VPS41: variants seen among roughly 807,000 people sequenced by gnomAD.
The protein encoded by VPS41 is vacuolar protein sorting-associated protein 41 homolog.
A neutral mutation model predicts 130.9 loss-of-function variants in VPS41; 85 were observed. The ratio of observed to expected loss-of-function variants is 0.65; its 90% CI spans 0.55 to 0.78. VPS41 has a LOEUF of 0.78. VPS41 is among the 30% of genes least tolerant of loss of function. The pLI, the probability that VPS41 is intolerant of heterozygous loss-of-function variation, is 0.00. For missense variants in VPS41, 874 were observed against 1,018.7 expected (o/e 0.86, Z 1.93); for synonymous variants, 335 against 332.9 (o/e 1.01, Z -0.07).
chr7:38,749,102 T>C (rs956421944), intron 22 of VPS41, among the ~76,000 whole-genome samples: 5 of 152,150 alleles, frequency 3.3e-5, no homozygotes, highest in African/African-American at 1.2e-4. Flanking sequence ...TTCATAAAAG[T>C]TTATGATTAA....
Position 38,763,441 on chromosome 7 carries a change from T to C in VPS41, c.1422+14A>G. The C allele has an allele frequency of 6.4e-7, 1 of 1,559,346 alleles. No homozygotes were observed. The highest frequency in any genetic ancestry group is 8.7e-7 in the Non-Finnish European group (1 of 1,147,116). On this transcript the variant is annotated intron_variant, in intron 17 of 28. Transcript: ENST00000310301. ...TCGAGAACAAGTAAATATGACCACA[T>C]CAGAACACCATACCTCATAATCACT...
rs762397567 is a variant in VPS41, at chr7:38,758,196, G to A, written c.1550+158C>T. Among the ~76,000 whole-genome samples the A allele has an allele frequency of 3.3e-5, 5 of 152,110 alleles. No homozygotes were observed. In the East Asian group the frequency reaches 5.8e-4, roughly 18 times the overall value. Reference sequence around the variant, plus strand: ...GTACAGTTTCACACATGTCCTTATCGCCTACTCATTTGAGGTTTATGAGAG... The same window carrying A: ...GTACAGTTTCACACATGTCCTTATCACCTACTCATTTGAGGTTTATGAGAG... On this transcript the variant is annotated intron_variant, in intron 18 of 28. Transcript: ENST00000310301.
chr7:38,755,442 T>G (rs1026350657), intron 19 of VPS41, among the ~76,000 whole-genome samples: 1 of 152,224 alleles, frequency 6.6e-6, no homozygotes, highest in South Asian at 2.1e-4. Flanking sequence ...AGTTTCATAA[T>G]GACATAAAGC....
Position 38,763,557 on chromosome 7 carries a change from GA to G in VPS41, c.1330-11del. On this transcript the variant is annotated splice_polypyrimidine_tract_variant and intron_variant, in intron 16 of 28. Transcript: ENST00000310301. ...AATAAGGACTAATAGCCTAGGTAAG[GA>G]AAAGGGAAAAAAAAGTCCATTAAAA... 1.3e-6 allele frequency: 2 copies of G among 1,547,594 alleles called. No individual in the cohort carries two copies. Among genetic ancestry groups the G allele is most frequent in the South Asian group, 2.4e-5 (2 of 81,866 alleles).
chr7:38,819,202 T>A (rs1352518625), intron 6 of VPS41, among the ~76,000 whole-genome samples: 3 of 152,220 alleles, frequency 2.0e-5, no homozygotes, highest in Non-Finnish European at 2.9e-5. Flanking sequence ...GTGCTCCTCC[T>A]TCACTGTCTA....
intron 4 of VPS41, among the ~76,000 whole-genome samples, chr7:38,848,460 A>T (rs1326315437): frequency 6.6e-6 from 1 of 152,180 alleles, no homozygotes; most frequent in Non-Finnish European, 1.5e-5. Flanking sequence ...ATACAATTGA[A>T]CATTATTAAA....
intron 1 of VPS41, among the ~76,000 whole-genome samples, chr7:38,899,049 T>C (rs1276916732): frequency 6.6e-6 from 1 of 152,206 alleles, no homozygotes; most frequent in African/African-American, 2.4e-5. Flanking sequence ...TATTACTCAA[T>C]ACAAGTTGGA....
intron 17 of VPS41, among the ~76,000 whole-genome samples, chr7:38,762,364 C>A (rs1030299682): frequency 3.3e-5 from 5 of 152,172 alleles, no homozygotes; most frequent in Admixed American, 2.0e-4. Flanking sequence ...TGAAATGCCA[C>A]AGAAATCATC....
chr7:38,780,180 GGTTTTT>G (rs1256431104), intron 10 of VPS41, among the ~76,000 whole-genome samples: 1 of 126,698 alleles, frequency 7.9e-6, no homozygotes, highest in African/African-American at 3.0e-5. Flanking sequence ...TTTTTTTTTT[GGTTTTT>G]GTTTTTTTTT....
chr7:38,883,667 A>G (rs1412059676), intron 2 of VPS41, among the ~76,000 whole-genome samples: 1 of 19,534 alleles, frequency 5.1e-5, no homozygotes, highest in Non-Finnish European at 7.9e-5. Flanking sequence ...GAATAAAATG[A>G]TCAACCAATC....
At chr7:38,768,953 T>C (rs1784103371) in intron 14 of VPS41, among the ~76,000 whole-genome samples, 1 of 151,300 alleles carries the variant, frequency 6.6e-6, no homozygotes, top group Non-Finnish European at 1.5e-5. Context: ...AGCTACAGCC[T>C]TCACTCTCTT....
At position 38,796,765 on chromosome 7, in the gene VPS41, T is replaced by C; in HGVS notation, c.550A>G (p.Ile184Val). ...TTTACCATATTATTGGCCCAAGCAA[T>C]CAGATGGCCTCTCCACTTCACACTC... ...IRSVKWRGHL[I>V]AWANNMGVKI... Residue 184 changes from isoleucine to valine, a missense_variant, in exon 8 of 29, where the codon ATT becomes GTT. Physicochemically the swap from Ile to Val is conservative, Grantham distance 29. Transcript: ENST00000310301. 6.2e-7 allele frequency: 1 copy of C among 1,613,794 alleles called. No individual in the cohort carries two copies. Among genetic ancestry groups the C allele is most frequent in the Non-Finnish European group, 8.5e-7 (1 of 1,179,792 alleles).
At chr7:38,767,678 T>A in intron 14 of VPS41, 80 bp from the exon 15 acceptor site, 1 of 1,000,880 alleles carries the variant, frequency 1.0e-6, no homozygotes, top group East Asian at 2.5e-5. Context: ...GCACAGGGCA[T>A]AACATTAGGG....
At chr7:38,765,350 T>G (rs372848400) in intron 16 of VPS41, among the ~76,000 whole-genome samples, 6 of 152,020 alleles carry the variant, frequency 3.9e-5, no homozygotes, top group Non-Finnish European at 5.9e-5. Context: ...ACAGAGAGAA[T>G]TGGAAAGAGA....
chr7:38,859,381 A>C (rs1786053404), intron 4 of VPS41, among the ~76,000 whole-genome samples: 2 of 152,126 alleles, frequency 1.3e-5, no homozygotes, highest in Non-Finnish European at 2.9e-5. Flanking sequence ...CTAAGCCTTC[A>C]CATTCACTCA....
intron 4 of VPS41, among the ~76,000 whole-genome samples, chr7:38,857,349 G>A (rs913042455): frequency 6.6e-6 from 1 of 151,918 alleles, no homozygotes; most frequent in South Asian, 2.1e-4. Context: ...GTGCCTTACA[G>A]CAAAACCTCA....
At chr7:38,871,864 T>C (rs567918921) in intron 2 of VPS41, among the ~76,000 whole-genome samples, 3 of 152,362 alleles carry the variant, frequency 2.0e-5, no homozygotes, top group South Asian at 4.1e-4. Context: ...ACTCATTATG[T>C]TGCCCAGGCT....
chr7:38,857,986 G>A (rs1055144902), intron 4 of VPS41, among the ~76,000 whole-genome samples: 1 of 152,178 alleles, frequency 6.6e-6, no homozygotes, highest in African/African-American at 2.4e-5. Context: ...GTTATCAGCA[G>A]AAAGAATCAG....
chr7:38,844,953 C>T (rs1265163443), intron 4 of VPS41, among the ~76,000 whole-genome samples: 3 of 152,180 alleles, frequency 2.0e-5, no homozygotes, highest in Admixed American at 2.0e-4. Flanking sequence ...GGTAGAACCT[C>T]AACAGAGGCA....
Sources: gnomAD v4.1 joint callset for allele counts (sites outside exome capture counted in the v4.1 genomes callset) on GRCh38, gnomAD v4.1.1 for gene constraint, MANE v1.5 for transcripts, NCBI Gene and HGNC (gene_info 2026-07-23, HGNC 2026-07-21) for gene names.